The following OGT variants were observed in gnomAD, a reference collection of about 807,000 sequenced individuals.
OGT encodes O-linked N-acetylglucosamine (GlcNAc) transferase.
Under a neutral mutation model 75.8 loss-of-function variants are expected in OGT, and 3 were observed. The observed-to-expected ratio is 0.04, with a 90% confidence interval of 0.02 to 0.10. The LOEUF (loss-of-function observed/expected upper bound fraction) is 0.10. Ranked by LOEUF, OGT falls within the 10% of genes least tolerant of loss-of-function variation. The probability of loss-of-function intolerance (pLI) is 1.00; values close to 1 mark genes in which losing one functional copy is unlikely to be tolerated. For missense variants in OGT, 260 were observed against 824.4 expected, an observed-to-expected ratio of 0.32 and a Z score of 8.38; for synonymous variants, 257 against 289.7, an observed-to-expected ratio of 0.89 and a Z score of 1.15.
At chrX:71,560,275 C>CAAAAAAAAA (rs764918597) in intron 14 of OGT, among the ~76,000 whole-genome samples, 1 of 45,848 alleles carries the variant, frequency 2.2e-5, no homozygotes. Flanking sequence ...GACTCTGTCT[C>CAAAAAAAAA]AAAAAAAAAA....
chrX:71,561,979 T>G, intron 15 of OGT, 79 bp downstream of exon 15: 1 of 971,730 alleles, frequency 1.0e-6, no homozygotes, highest in Non-Finnish European at 1.4e-6. Context: ...CTCCCTCTGG[T>G]TAACTGATAT....
At chrX:71,556,126 C>T (rs1202218801) in intron 8 of OGT, 32 bp downstream of exon 8, 17 of 1,192,879 alleles carry the variant, frequency 1.4e-5, no homozygotes, top group Non-Finnish European at 1.8e-5. Context: ...GGGCATTTAG[C>T]ATGATAGTAG....
chrX:71,570,893 C>T (rs549465571), intron 21 of OGT, among the ~76,000 whole-genome samples: 4 of 110,117 alleles, frequency 3.6e-5, no homozygotes, highest in Non-Finnish European at 5.7e-5. Context: ...CTCCTGGGAT[C>T]GAGTGATCCT....
At chrX:71,556,198 T>C in intron 8 of OGT, 104 bp downstream of exon 8, 1 of 896,806 alleles carries the variant, frequency 1.1e-6, no homozygotes, top group South Asian at 2.5e-5. Context: ...TTGAATCATT[T>C]ACAAGAGGAT....
Position 71,572,269 on chromosome X carries a change from T to C in OGT, c.2967-1351T>C, listed in dbSNP as rs1472925844. 2.7e-5 allele frequency among the ~76,000 whole-genome samples: 3 copies of C among 112,450 alleles called. No individual in the cohort carries two copies. In the East Asian group the frequency reaches 8.3e-4, roughly 31 times the overall value. On this transcript the variant is annotated intron_variant, in intron 21 of 21. Coordinates refer to ENST00000373719, the MANE Select transcript of OGT (RefSeq NM_181672.3). ...AATGGAACTATGTCAATATGCACTC[T>C]AAAGGCTTCTTTCATCAAGTTTATT...
intron 4 of OGT, chrX:71,545,998 C>A (rs961096225): frequency 5.0e-6 from 1 of 199,490 alleles, no homozygotes; most frequent in Non-Finnish European, 7.6e-6. Flanking sequence ...TTTGTGAGAA[C>A]TTAGTAAACA....
intron 15 of OGT, among the ~76,000 whole-genome samples, chrX:71,562,201 C>T (rs1029438504): frequency 4.4e-5 from 5 of 112,609 alleles, no homozygotes; most frequent in African/African-American, 1.3e-4. Flanking sequence ...TGGTGGCTCA[C>T]GCCTGTAATC....
chrX:71,551,585 T>C (rs1415961589), intron 5 of OGT, among the ~76,000 whole-genome samples: 1 of 112,043 alleles, frequency 8.9e-6, no homozygotes, highest in African/African-American at 3.2e-5. Context: ...TGAGCTGAGA[T>C]TGCACCATTG....
At chrX:71,536,457 G>A (rs779935117) in intron 2 of OGT, 99 bp downstream of exon 2, 78 of 720,206 alleles carry the variant, frequency 1.1e-4, no homozygotes, top group Non-Finnish European at 1.4e-4. Context: ...TTCCAGTACC[G>A]GGTTTCAACT....
intron 12 of OGT, among the ~76,000 whole-genome samples, chrX:71,558,126 T>C (rs2040355311): frequency 9.1e-6 from 1 of 109,350 alleles, no homozygotes; most frequent in South Asian, 4.0e-4. Context: ...TAATTTTGTG[T>C]TTTTTGTAGA....
intron 4 of OGT, chrX:71,545,994 AG>A: frequency 5.3e-6 from 1 of 189,998 alleles, no homozygotes; most frequent in Non-Finnish European, 8.1e-6. Flanking sequence ...TTTTTTTGTG[AG>A]AACTTAGTAA....
chrX:71,558,012 C>T (rs756773840), intron 12 of OGT, among the ~76,000 whole-genome samples: 8 of 107,410 alleles, frequency 7.4e-5, no homozygotes, highest in African/African-American at 2.7e-4. Flanking sequence ...TGGAGTGCAG[C>T]GGTGTGATCA....
chrX:71,535,423 C>G (rs2040168694), intron 1 of OGT, among the ~76,000 whole-genome samples: 1 of 111,427 alleles, frequency 9.0e-6, no homozygotes, highest in South Asian at 3.7e-4. Flanking sequence ...AATTTAGTCT[C>G]CTTTTGAGTT....
At chrX:71,542,250 A>G (rs1286640038) in intron 3 of OGT, among the ~76,000 whole-genome samples, 3 of 111,969 alleles carry the variant, frequency 2.7e-5, no homozygotes, top group Non-Finnish European at 3.8e-5. Context: ...GATGAAGCAG[A>G]AGTGATGTCT....
At position 71,574,682 on chromosome X, in the gene OGT, C is replaced by T. The variant is rs1353969065; in HGVS notation, c.*888C>T. 1 of 108,029 alleles carries T rather than the reference C, an allele frequency of 9.3e-6. No homozygotes were observed. Among genetic ancestry groups the T allele is most frequent in the Non-Finnish European group, 1.9e-5 (1 of 52,033 alleles). 8.9% of individuals were successfully genotyped at this position (108,029 alleles called of 1,213,427 possible). A position where few individuals can be genotyped will look rare whatever the true frequency, so the allele number is the denominator to read the frequency against. ...TTTGACCTGTTTCACCAGTGTTTTA[C>T]CCTTGACTGCCCCTTCTATGCTGCT... On this transcript the variant is annotated 3_prime_UTR_variant, in exon 22 of 22. Coordinates refer to ENST00000373719, the MANE Select transcript of OGT (RefSeq NM_181672.3).
Position 71,533,113 on chromosome X carries a change from C to G in OGT, c.-187C>G. 4 of 401,187 alleles carry G rather than the reference C, an allele frequency of 1.0e-5. No homozygotes were observed. The highest frequency in any genetic ancestry group is 1.8e-5 in the Non-Finnish European group (4 of 227,815). 33.1% of individuals were successfully genotyped at this position (401,187 alleles called of 1,213,427 possible). A position where few individuals can be genotyped will look rare whatever the true frequency, so the allele number is the denominator to read the frequency against. ...AGGAGCCGTCGCCGCCATTTCAAGA[C>G]CGTACTAGGTAGATGGTCAATTAGA... On this transcript the variant is annotated 5_prime_UTR_variant, in exon 1 of 22. Transcript: ENST00000373719.
At chrX:71,548,090 A>ATT in intron 5 of OGT, 67 bp downstream of exon 5, 2 of 1,044,281 alleles carry the variant, frequency 1.9e-6, no homozygotes, top group Non-Finnish European at 2.7e-6. Flanking sequence ...TACTAGAACT[A>ATT]AATAATAGGT....
intron 14 of OGT, among the ~76,000 whole-genome samples, 182 bp downstream of exon 14, chrX:71,559,859 G>A (rs1320330199): frequency 8.9e-6 from 1 of 112,249 alleles, no homozygotes; most frequent in Non-Finnish European, 1.9e-5. Context: ...GGTTGCAAAT[G>A]AAACTGAAAT....
chrX:71,541,921 G>A (rs1270645774), intron 3 of OGT, among the ~76,000 whole-genome samples: 3 of 111,227 alleles, frequency 2.7e-5, no homozygotes, highest in Non-Finnish European at 3.8e-5. Flanking sequence ...TTATTCTCAC[G>A]ATTTTCCCTT....
Sources: allele counts gnomAD v4.1 joint callset (sites outside exome capture counted in the v4.1 genomes callset), GRCh38; gene constraint gnomAD v4.1.1; transcripts MANE v1.5; gene names NCBI Gene and HGNC (gene_info 2026-07-23, HGNC 2026-07-21).